ABCB1: variants seen among roughly 807,000 people sequenced by gnomAD.
ABCB1 encodes the protein ATP-dependent translocase ABCB1.
ABCB1 carries 69 observed loss-of-function variants against 142.0 expected under a neutral mutation model. The observed-to-expected ratio is 0.49, with a 90% confidence interval of 0.40 to 0.59. The LOEUF (loss-of-function observed/expected upper bound fraction) is 0.59. ABCB1 is among the 20% of genes least tolerant of loss of function. The pLI is 0.00. For synonymous variants in ABCB1, 532 were observed against 539.2 expected, an observed-to-expected ratio of 0.99 and a Z score of 0.18; for missense variants, 1,326 against 1,554.7, an observed-to-expected ratio of 0.85 and a Z score of 2.47.
intron 21 of ABCB1, 65 bp from the exon 22 acceptor site, chr7:87,520,941 T>C: frequency 8.5e-7 from 1 of 1,180,712 alleles, no homozygotes; most frequent in Non-Finnish European, 1.3e-6. Context: ...ATTTGAATTC[T>C]ATAAAACAGA....
chr7:87,522,284 G>A, intron 21 of ABCB1: 1 of 830,054 alleles, frequency 1.2e-6, no homozygotes, highest in Admixed American at 1.7e-5. Context: ...ACCCATGAAG[G>A]GAGGAAACTT....
intron 1 of ABCB1, among the ~76,000 whole-genome samples, chr7:87,686,724 A>C (rs1477463195): frequency 6.6e-6 from 1 of 151,088 alleles, no homozygotes; most frequent in Non-Finnish European, 1.5e-5. Flanking sequence ...AGATCACTTG[A>C]GGCCCAGGAG....
intron 14 of ABCB1, 116 bp downstream of exon 14, chr7:87,549,232 G>A (rs1355966837): frequency 2.5e-6 from 3 of 1,181,218 alleles, no homozygotes; most frequent in Non-Finnish European, 2.4e-6. Context: ...AATAGCTGAA[G>A]GAATCACCTA....
chr7:87,603,797 T>C (rs1350969908), upstream of ABCB1, among the ~76,000 whole-genome samples: 2 of 152,248 alleles, frequency 1.3e-5, no homozygotes, highest in Non-Finnish European at 2.9e-5. Flanking sequence ...CTGATTATTA[T>C]GCATAGGTTT....
chr7:87,564,483 CAGTCTTGGG>C (rs1402349419), intron 7 of ABCB1, among the ~76,000 whole-genome samples: 1 of 152,114 alleles, frequency 6.6e-6, no homozygotes, highest in Non-Finnish European at 1.5e-5. Flanking sequence ...GCTGGGAAGA[CAGTCTTGGG>C]CACAAAGTAC....
chr7:87,550,800 T>C lies in ABCB1; in HGVS notation c.1038A>G (p.Gly346=). Residue 346 remains glycine, a synonymous_variant, in exon 10 of 28, where the codon GGA becomes GGG. Transcript: ENST00000622132. The stretch of plus-strand genomic sequence containing the variant: ...ATGCTTCAATGCTTGGAGATGCCTG[T>C]CCAACACTAAAAGCCCCAATTAATA... ...FSVLIGAFSV[G]QASPSIEAFA... is the part of the protein sequence containing the mutation. 1 of 1,613,668 alleles carries C rather than the reference T, an allele frequency of 6.2e-7. No individual in the cohort carries two copies. The highest frequency in any genetic ancestry group is 8.5e-7 in the Non-Finnish European group (1 of 1,179,606).
Position 87,544,124 on chromosome 7 carries a change from C to T in ABCB1, c.2211+5G>A, listed in dbSNP as rs1292350917. 4 of 1,613,866 alleles carry T rather than the reference C, an allele frequency of 2.5e-6. No individual in the cohort carries two copies. The highest frequency in any genetic ancestry group is 3.4e-6 in the Non-Finnish European group (4 of 1,179,848). On this transcript the variant is annotated splice_donor_5th_base_variant and intron_variant, in intron 17 of 27. Coordinates refer to ENST00000622132, the MANE Select transcript of ABCB1 (RefSeq NM_001348946.2). Reference sequence around the variant, plus strand: ...GTAAATCACACAAATGGGCATCACACTTACCCCTATAATCTTTGAAAATAT... The same window carrying T: ...GTAAATCACACAAATGGGCATCACATTTACCCCTATAATCTTTGAAAATAT...
At position 87,628,582 on chromosome 7, in the gene ABCB1, TGC is replaced by T. The variant is rs1171488303; in HGVS notation, c.-330-27506_-330-27505del. ...GCCGAGGGCGGAGGTGGTGCGTGCG[TGC>T]GTGTGTGTGTGTGTGTGTGTGTGTG... On this transcript the variant is annotated intron_variant, in intron 1 of 28. Coordinates refer to the ABCB1 transcript ENST00000265724. 709 of 270,830 alleles carry T rather than the reference TGC, an allele frequency of 2.6e-3. 2 individuals are homozygous for T. The highest frequency in any genetic ancestry group is 5.3e-3 in the Admixed American group (73 of 13,782). The allele number at this position is 270,830 out of a possible 1,614,324, so 16.8% of individuals were successfully genotyped here.
intron 25 of ABCB1, among the ~76,000 whole-genome samples, chr7:87,514,953 T>C (rs769150114): frequency 2.0e-5 from 3 of 152,180 alleles, no homozygotes; most frequent in Non-Finnish European, 4.4e-5. Flanking sequence ...TTTTGTTGGT[T>C]CTTTTCAAGT....
At chr7:87,676,584 G>A (rs1225273994) in intron 1 of ABCB1, among the ~76,000 whole-genome samples, 2 of 151,354 alleles carry the variant, frequency 1.3e-5, no homozygotes, top group African/African-American at 4.9e-5. Context: ...TATGCCTGTA[G>A]TCCCAGCTAC....
At chr7:87,664,859 A>G (rs998366198) in intron 1 of ABCB1, among the ~76,000 whole-genome samples, 1 of 152,210 alleles carries the variant, frequency 6.6e-6, no homozygotes, top group East Asian at 1.9e-4. Context: ...AGATAAATTT[A>G]TAGATTCAAG....
chr7:87,521,703 T>C (rs751022447), intron 21 of ABCB1: 34 of 958,014 alleles, frequency 3.5e-5, no homozygotes, highest in Non-Finnish European at 5.5e-5. Flanking sequence ...ACAAGGTGGA[T>C]GGAAGAGTTG....
intron 1 of ABCB1, among the ~76,000 whole-genome samples, chr7:87,614,763 T>G (rs1819975619): frequency 6.6e-6 from 1 of 152,224 alleles, no homozygotes; most frequent in African/African-American, 2.4e-5. Context: ...ATAGCATGTT[T>G]AGGTACTTAT....
intron 1 of ABCB1, chr7:87,650,926 A>T (rs770477275): frequency 6.3e-7 from 1 of 1,590,566 alleles, no homozygotes; most frequent in Non-Finnish European, 8.6e-7. Flanking sequence ...ATTTTAAGCC[A>T]CCGGCTAAAA....
intron 14 of ABCB1, among the ~76,000 whole-genome samples, chr7:87,548,126 G>A (rs1816874652): frequency 9.4e-6 from 1 of 106,912 alleles, no homozygotes; most frequent in South Asian, 3.7e-4. Flanking sequence ...GGAGGGGAGG[G>A]AAGGGGAGGG....
In ABCB1 at chr7:87,560,042, C is replaced by T. The variant is rs1016677854; in HGVS notation, c.827+1221G>A. The stretch of plus-strand genomic sequence containing the variant: ...TCCTCATGATTCTCTTATTTTATTT[C>T]CCCAAATAATATTTACCCCAACTGG... On this transcript the variant is annotated intron_variant, in intron 8 of 27. Transcript: ENST00000622132. Among the ~76,000 whole-genome samples the T allele has an allele frequency of 1.4e-4, 21 of 152,154 alleles. No individual in the cohort carries two copies. The East Asian group carries it at 3.3e-3, about 24-fold the overall frequency.
chr7:87,672,135 T>A (rs1308668344), intron 1 of ABCB1, among the ~76,000 whole-genome samples: 1 of 152,088 alleles, frequency 6.6e-6, no homozygotes, highest in Non-Finnish European at 1.5e-5. Flanking sequence ...TCTGGGAGCA[T>A]CATCCCAGGG....
intron 1 of ABCB1, among the ~76,000 whole-genome samples, chr7:87,610,394 G>GC (rs1382330720): frequency 7.6e-6 from 1 of 130,834 alleles, no homozygotes. Flanking sequence ...ACCACACCTG[G>GC]CCTTTTTTTT....
intron 1 of ABCB1, among the ~76,000 whole-genome samples, chr7:87,622,038 C>A (rs1045251689): frequency 6.6e-6 from 1 of 151,684 alleles, no homozygotes; most frequent in Non-Finnish European, 1.5e-5. Context: ...AAAAAAGTAA[C>A]CATAAAGTAT....
Sources: allele counts gnomAD v4.1 joint callset (sites outside exome capture counted in the v4.1 genomes callset), GRCh38; gene constraint gnomAD v4.1.1; transcripts MANE v1.5; gene names NCBI Gene and HGNC (gene_info 2026-07-23, HGNC 2026-07-21).